The following CAMK1D variants were observed in gnomAD, a reference collection of about 807,000 sequenced individuals.
The protein encoded by CAMK1D is calcium/calmodulin dependent protein kinase ID.
In CAMK1D, 9 loss-of-function variants were observed where a neutral mutation model predicts 47.7. That is an observed-to-expected ratio of 0.19 (90% CI 0.11 to 0.33). The LOEUF (loss-of-function observed/expected upper bound fraction) is 0.33. Ranked by LOEUF, CAMK1D falls within the 10% of genes least tolerant of loss-of-function variation. The probability of loss-of-function intolerance (pLI) is 1.00; values close to 1 mark genes in which losing one functional copy is unlikely to be tolerated. For synonymous variants in CAMK1D, 184 were observed against 184.9 expected, an observed-to-expected ratio of 0.99 and a Z score of 0.04; for missense variants, 291 against 488.7, an observed-to-expected ratio of 0.60 and a Z score of 3.81.
At chr10:12,821,385 C>T (rs1024645363) in intron 8 of CAMK1D, among the ~76,000 whole-genome samples, 2 of 152,234 alleles carry the variant, frequency 1.3e-5, no homozygotes, top group African/African-American at 4.8e-5. Flanking sequence ...CGAACCCCCG[C>T]TCCCATCTTC....
At chr10:12,419,775 AG>A (rs1839987799) in intron 1 of CAMK1D, among the ~76,000 whole-genome samples, 1 of 152,098 alleles carries the variant, frequency 6.6e-6, no homozygotes, top group Non-Finnish European at 1.5e-5. Flanking sequence ...TTTTCTCGTT[AG>A]GTTTTCTTTT....
intron 2 of CAMK1D, among the ~76,000 whole-genome samples, chr10:12,597,199 CT>C (rs1470248596): frequency 2.0e-5 from 3 of 152,154 alleles, no homozygotes; most frequent in Non-Finnish European, 4.4e-5. Flanking sequence ...AAGAAAAATG[CT>C]TTTGAAAACT....
At chr10:12,517,013 G>T (rs1835230674) in intron 1 of CAMK1D, among the ~76,000 whole-genome samples, 1 of 152,188 alleles carries the variant, frequency 6.6e-6, no homozygotes, top group African/African-American at 2.4e-5. Flanking sequence ...CCAGTTCATA[G>T]ACATGATCTG....
intron 2 of CAMK1D, among the ~76,000 whole-genome samples, chr10:12,561,345 A>T (rs1836937514): frequency 1.3e-5 from 2 of 152,026 alleles, no homozygotes; most frequent in African/African-American, 4.8e-5. Flanking sequence ...TGTCTGCTGA[A>T]TGAGCTTAGG....
chr10:12,652,425 CAA>C (rs35773480), intron 2 of CAMK1D, among the ~76,000 whole-genome samples: 3 of 123,878 alleles, frequency 2.4e-5, no homozygotes. Flanking sequence ...ACTAAAAATA[CAA>C]AAAAAAAAAA....
rs1312197327 is a variant in CAMK1D, at chr10:12,536,840, C to G, written c.93-16385C>G. Reference sequence around the variant, plus strand: ...TTTATCCCTGTTAATGCATGTAGATCTCATCAGTTAGTTAAACTGCTACAG... The same window carrying G: ...TTTATCCCTGTTAATGCATGTAGATGTCATCAGTTAGTTAAACTGCTACAG... On this transcript the variant is annotated intron_variant, in intron 1 of 10. Coordinates refer to ENST00000619168, the MANE Select transcript of CAMK1D (RefSeq NM_153498.4). 2.6e-5 allele frequency among the ~76,000 whole-genome samples: 4 copies of G among 152,108 alleles called. No individual in the cohort carries two copies. In the East Asian group the frequency reaches 7.7e-4, roughly 29 times the overall value.
At chr10:12,782,101 CT>C (rs1479425913) in intron 5 of CAMK1D, among the ~76,000 whole-genome samples, 1 of 151,370 alleles carries the variant, frequency 6.6e-6, no homozygotes, top group Non-Finnish European at 1.5e-5. Context: ...AAGATCAGAG[CT>C]GTCCCAAAAG....
intron 1 of CAMK1D, among the ~76,000 whole-genome samples, chr10:12,361,194 G>A (rs1045490482): frequency 2.0e-5 from 3 of 151,448 alleles, no homozygotes; most frequent in Non-Finnish European, 4.4e-5. Context: ...GGCTTTCTTT[G>A]GTGCTTTCAG....
At chr10:12,378,256 T>C (rs1337558210) in intron 1 of CAMK1D, among the ~76,000 whole-genome samples, 1 of 152,182 alleles carries the variant, frequency 6.6e-6, no homozygotes, top group African/African-American at 2.4e-5. Flanking sequence ...TTAATAGATA[T>C]ATTTTTTAGA....
At chr10:12,635,680 G>A (rs1291674255) in intron 2 of CAMK1D, among the ~76,000 whole-genome samples, 1 of 152,074 alleles carries the variant, frequency 6.6e-6, no homozygotes, top group African/African-American at 2.4e-5. Flanking sequence ...GTGGCAAAAC[G>A]GATTTTATTT....
chr10:12,519,317 C>A (rs1327152102), intron 1 of CAMK1D, among the ~76,000 whole-genome samples: 1 of 50,322 alleles, frequency 2.0e-5, no homozygotes, highest in African/African-American at 8.1e-5. Flanking sequence ...TAGGGGCGGC[C>A]GGGCAGAGGC....
intron 2 of CAMK1D, among the ~76,000 whole-genome samples, chr10:12,616,389 T>A (rs1838817161): frequency 6.6e-6 from 1 of 152,196 alleles, no homozygotes; most frequent in Admixed American, 6.5e-5. Flanking sequence ...TCTAAACCCT[T>A]TACATGAACT....
chr10:12,504,108 GGTGTGT>G lies in CAMK1D; in HGVS notation c.93-49102_93-49097del, dbSNP rs1554778998. Among the ~76,000 whole-genome samples the G allele has an allele frequency of 2.3e-3, 340 of 147,754 alleles. 4 individuals are homozygous for G. Among genetic ancestry groups the G allele is most frequent in the African/African-American group, 8.2e-3 (324 of 39,566 alleles). ...AAACATAAACGGAACCAATAAGATG[GGTGTGT>G]GTGTGTGTGTGTGTCTGTGTGTGTG... is the stretch of plus-strand genomic sequence containing the variant. On this transcript the variant is annotated intron_variant, in intron 1 of 10. Transcript: ENST00000619168.
chr10:12,773,264 T>C (rs2130941589), intron 5 of CAMK1D, among the ~76,000 whole-genome samples: 1 of 152,316 alleles, frequency 6.6e-6, no homozygotes. Context: ...ATTTATTGAG[T>C]TCCTGCTGTG....
intron 3 of CAMK1D, among the ~76,000 whole-genome samples, chr10:12,684,337 A>G (rs903483963): frequency 3.3e-5 from 5 of 152,190 alleles, no homozygotes; most frequent in African/African-American, 7.2e-5. Context: ...GTGCTAAGAA[A>G]GGAGAGAAAC....
At chr10:12,548,152 T>C (rs1836457809) in intron 1 of CAMK1D, among the ~76,000 whole-genome samples, 1 of 152,184 alleles carries the variant, frequency 6.6e-6, no homozygotes, top group Admixed American at 6.5e-5. Flanking sequence ...AGTATCCTCA[T>C]CTCTAAAATG....
In CAMK1D at chr10:12,801,467, CATCT is replaced by C. The variant is rs141731117; in HGVS notation, c.641+10242_641+10245del. ...TCCATCCATTCATCTATCTATCCGT[CATCT>C]ATCTATCCATTCATCCATCCATCCA... On this transcript the variant is annotated intron_variant, in intron 6 of 10. Transcript: ENST00000619168. 1.2e-3 allele frequency among the ~76,000 whole-genome samples: 180 copies of C among 151,248 alleles called. 2 individuals are homozygous for C. The highest frequency in any genetic ancestry group is 0.011 in the South Asian group (54 of 4,746).
chr10:12,599,974 G>A (rs1039231211), intron 2 of CAMK1D, among the ~76,000 whole-genome samples: 2 of 152,252 alleles, frequency 1.3e-5, no homozygotes, highest in African/African-American at 2.4e-5. Flanking sequence ...ATGTGGTGGC[G>A]TGTTCCTGTA....
At chr10:12,781,983 T>C (rs574532561) in intron 5 of CAMK1D, among the ~76,000 whole-genome samples, 45 of 151,218 alleles carry the variant, frequency 3.0e-4, no homozygotes, top group African/African-American at 1.1e-3. Flanking sequence ...TTTTTTTTTT[T>C]TTTTTTTTTG....
Sources: gnomAD v4.1 joint callset for allele counts (sites outside exome capture counted in the v4.1 genomes callset) on GRCh38, gnomAD v4.1.1 for gene constraint, MANE v1.5 for transcripts, NCBI Gene and HGNC (gene_info 2026-07-23, HGNC 2026-07-21) for gene names.